The following NAV2 variants were observed in gnomAD, a reference collection of about 807,000 sequenced individuals.
NAV2 encodes the protein helicase, APC down-regulated 1.
Under a neutral mutation model 223.2 loss-of-function variants are expected in NAV2, and 54 were observed. The observed-to-expected ratio is 0.24, with a 90% CI of 0.19 to 0.30. The LOEUF (loss-of-function observed/expected upper bound fraction) is 0.30, where lower values mean the gene tolerates loss of function less well. Among genes scored for constraint, NAV2 ranks in the 10% least tolerant of loss-of-function variants. The pLI is 1.00. For missense variants in NAV2, 2,806 were observed against 3,147.5 expected, an observed-to-expected ratio of 0.89 and a Z score of 2.60; for synonymous variants, 1,279 against 1,239.3, an observed-to-expected ratio of 1.03 and a Z score of -0.67.
chr11:19,448,982 C>T (rs748964292), intron 1 of NAV2, among the ~76,000 whole-genome samples: 11 of 152,174 alleles, frequency 7.2e-5, no homozygotes, highest in South Asian at 2.1e-4. Flanking sequence ...GTATTCTACA[C>T]AGTGTGAGAC....
intron 6 of NAV2, among the ~76,000 whole-genome samples, chr11:19,932,277 A>G (rs1445861553): frequency 6.6e-6 from 1 of 151,858 alleles, no homozygotes; most frequent in Admixed American, 6.6e-5. Context: ...AAAGGAAAAA[A>G]AAAAAGCTGT....
At chr11:19,693,292 A>G (rs2049237495) in intron 1 of NAV2, among the ~76,000 whole-genome samples, 3 of 152,318 alleles carry the variant, frequency 2.0e-5, no homozygotes, top group South Asian at 2.1e-4. Flanking sequence ...TGTTTGTAAC[A>G]TAGACTTTTC....
intron 1 of NAV2, among the ~76,000 whole-genome samples, chr11:19,492,124 T>C (rs573032197): frequency 1.3e-5 from 2 of 152,344 alleles, no homozygotes; most frequent in South Asian, 2.1e-4. Flanking sequence ...TCACTGATCA[T>C]TGGTCACCAT....
At chr11:19,851,844 A>G (rs982651931) in intron 3 of NAV2, among the ~76,000 whole-genome samples, 1 of 152,242 alleles carries the variant, frequency 6.6e-6, no homozygotes, top group African/African-American at 2.4e-5. Flanking sequence ...TTGAGATGGG[A>G]TAATGATCCT....
chr11:20,001,282 CT>C (rs1395229459), intron 11 of NAV2, among the ~76,000 whole-genome samples: 3 of 152,198 alleles, frequency 2.0e-5, no homozygotes, highest in Admixed American at 1.3e-4. Flanking sequence ...TTCCTCAGGG[CT>C]CCCAAAGGAC....
chr11:19,953,866 T>C (rs1332959136), intron 10 of NAV2, among the ~76,000 whole-genome samples: 6 of 151,818 alleles, frequency 4.0e-5, no homozygotes, highest in Admixed American at 1.3e-4. Context: ...CGCGTGTGTG[T>C]GTGTGTGTGT....
chr11:19,861,157 G>A (rs1363162531), intron 3 of NAV2, among the ~76,000 whole-genome samples: 1 of 152,156 alleles, frequency 6.6e-6, no homozygotes, highest in African/African-American at 2.4e-5. Context: ...AACAGATATT[G>A]TCACCTAATA....
At chr11:19,595,753 G>A (rs2046190552) in intron 1 of NAV2, among the ~76,000 whole-genome samples, 1 of 151,844 alleles carries the variant, frequency 6.6e-6, no homozygotes, top group Non-Finnish European at 1.5e-5. Context: ...TTAGTGATGG[G>A]GTCTCACTAT....
intron 1 of NAV2, among the ~76,000 whole-genome samples, chr11:19,761,817 C>T (rs1483748795): frequency 6.6e-6 from 1 of 152,242 alleles, no homozygotes; most frequent in African/African-American, 2.4e-5. Context: ...TTGGTTCATG[C>T]TCCCGGTTTT....
At chr11:19,893,669 A>G (rs993287735) in intron 6 of NAV2, among the ~76,000 whole-genome samples, 1 of 152,198 alleles carries the variant, frequency 6.6e-6, no homozygotes. Context: ...ACAGATGTGT[A>G]TGGAGAAAGG....
At position 20,045,498 on chromosome 11, in the gene NAV2, G is replaced by T; in HGVS notation, c.3730G>T (p.Gly1244Cys). 6.2e-7 allele frequency: 1 copy of T among 1,614,146 alleles called. No individual in the cohort carries two copies. Among genetic ancestry groups the T allele is most frequent in the Non-Finnish European group, 8.5e-7 (1 of 1,180,014 alleles). Residue 1244 changes from glycine (G) to cysteine (C), a missense_variant, in exon 14 of 38, where the codon GGT becomes TGT. This residue lies in a region of NAV2 where 742 missense variants were observed against 777.9 expected (regional missense o/e 0.95). Transcript: ENST00000349880. ...AACAGCCCTAGGCAGCTCTCTACCA[G>T]GTCTGGTCAACCAAACAGACAAGGA... ...SKTALGSSLP[G>C]LVNQTDKEKG... is the part of the protein sequence containing the mutation.
chr11:19,599,997 A>G (rs1804932568), intron 1 of NAV2, among the ~76,000 whole-genome samples: 1 of 152,162 alleles, frequency 6.6e-6, no homozygotes, highest in Non-Finnish European at 1.5e-5. Context: ...ATTTCAGTAC[A>G]AGTAGTTTAT....
At position 19,868,996 on chromosome 11, in the gene NAV2, A is replaced by G; in HGVS notation, c.510A>G (p.Glu170=). ...KGINIQGLSA[E]EIRNGNLKAI... ...TAAACATCCAGGGGCTGTCTGCAGA[A>G]GGTGAGTCAGAGCGCTTGTCACGAA... Residue 170 remains glutamate (E), a splice_region_variant and synonymous_variant, in exon 4 of 38, where the codon GAA becomes GAG. Coordinates refer to ENST00000349880, the MANE Select transcript of NAV2 (RefSeq NM_145117.5). The G allele has an allele frequency of 6.2e-7, 1 of 1,613,860 alleles. No individual in the cohort carries two copies. Among genetic ancestry groups the G allele is most frequent in the East Asian group, 2.2e-5 (1 of 44,868 alleles).
At chr11:19,606,318 C>A (rs77181297) in intron 1 of NAV2, among the ~76,000 whole-genome samples, 2,350 of 152,254 alleles carry the variant, frequency 0.015, 66 homozygotes, top group African/African-American at 0.054. Flanking sequence ...CTTTATTTAA[C>A]CTTCACCCTA....
At chr11:19,659,428 A>G (rs2048213681) in intron 1 of NAV2, among the ~76,000 whole-genome samples, 1 of 152,194 alleles carries the variant, frequency 6.6e-6, no homozygotes, top group Non-Finnish European at 1.5e-5. Flanking sequence ...AAGGGTCTTA[A>G]GTGGGAGTTA....
At chr11:20,040,671 G>A (rs529971187) in intron 12 of NAV2, among the ~76,000 whole-genome samples, 3 of 152,086 alleles carry the variant, frequency 2.0e-5, no homozygotes, top group Admixed American at 6.5e-5. Context: ...TGTGGATATC[G>A]AATGACTACA....
At chr11:20,015,006 G>T (rs1010399855) in intron 11 of NAV2, among the ~76,000 whole-genome samples, 1 of 152,182 alleles carries the variant, frequency 6.6e-6, no homozygotes, top group Non-Finnish European at 1.5e-5. Flanking sequence ...TGAGGCGGGA[G>T]GATTGCTTGA....
At chr11:20,102,299 G>T (rs985105065) in intron 32 of NAV2, among the ~76,000 whole-genome samples, 8 of 152,142 alleles carry the variant, frequency 5.3e-5, no homozygotes, top group African/African-American at 1.9e-4. Flanking sequence ...GGAGGCCCAG[G>T]GTGGGTGGGT....
intron 6 of NAV2, among the ~76,000 whole-genome samples, chr11:19,921,642 C>CA (rs796616317): frequency 2.6e-4 from 39 of 152,204 alleles, no homozygotes; most frequent in African/African-American, 9.4e-4. Flanking sequence ...GTTTATTGTC[C>CA]CTTCTCAAGG....
Sources: allele counts gnomAD v4.1 joint callset (sites outside exome capture counted in the v4.1 genomes callset), GRCh38; gene constraint gnomAD v4.1.1; regional missense constraint gnomAD v4.1.1; transcripts MANE v1.5; gene names NCBI Gene and HGNC (gene_info 2026-07-23, HGNC 2026-07-21).